The following APBB2 variants were observed in gnomAD, a reference collection of about 807,000 sequenced individuals.
APBB2 encodes the protein Fe65-like 1.
A neutral mutation model predicts 82.5 loss-of-function variants in APBB2; 38 were observed. The ratio of observed to expected loss-of-function variants is 0.46; its 90% confidence interval spans 0.36 to 0.60. APBB2 has a LOEUF of 0.60. Ranked by LOEUF, APBB2 falls within the 20% of genes least tolerant of loss-of-function variation. APBB2 has a pLI of 0.00. For missense variants in APBB2, 772 were observed against 972.3 expected, an observed-to-expected ratio of 0.79 and a Z score of 2.74; for synonymous variants, 341 against 368.2, an observed-to-expected ratio of 0.93 and a Z score of 0.85.
At chr4:41,041,093 G>A (rs939467650) in intron 4 of APBB2, among the ~76,000 whole-genome samples, 1 of 152,096 alleles carries the variant, frequency 6.6e-6, no homozygotes, top group African/African-American at 2.4e-5. Flanking sequence ...TGTTAGCCAG[G>A]ATGGTCTCGA....
At chr4:41,175,553 C>T (rs1371740175) in intron 1 of APBB2, among the ~76,000 whole-genome samples, 2 of 152,110 alleles carry the variant, frequency 1.3e-5, no homozygotes, top group Non-Finnish European at 2.9e-5. Context: ...TCCCACCAAT[C>T]AAGCTGTATC....
intron 2 of APBB2, among the ~76,000 whole-genome samples, chr4:41,136,646 T>A (rs1350358482): frequency 6.6e-6 from 1 of 152,190 alleles, no homozygotes; most frequent in Non-Finnish European, 1.5e-5. Flanking sequence ...CCAGGACGCA[T>A]GGCTTGACCT....
At chr4:41,006,371 T>G (rs1475616108) in intron 6 of APBB2, among the ~76,000 whole-genome samples, 1 of 152,230 alleles carries the variant, frequency 6.6e-6, no homozygotes, top group Non-Finnish European at 1.5e-5. Context: ...ACAGGAAGGC[T>G]AGTGAGTCAC....
intron 1 of APBB2, among the ~76,000 whole-genome samples, chr4:41,165,960 G>A (rs1442457179): frequency 4.2e-5 from 6 of 142,408 alleles, no homozygotes; most frequent in East Asian, 2.1e-4. Context: ...TGCAAGCTCC[G>A]CCTCCCGGGT....
Position 41,014,120 on chromosome 4 carries a change from C to G in APBB2, c.298G>C (p.Val100Leu), listed in dbSNP as rs1290909352. The G allele has an allele frequency of 6.2e-7, 1 of 1,614,104 alleles. No individual in the cohort carries two copies. Among genetic ancestry groups the G allele is most frequent in the Non-Finnish European group, 8.5e-7 (1 of 1,180,056 alleles). ...LGNGSANIKLVKNGENQLRKA... is the reference protein window; with the variant it reads ...LGNGSANIKLLKNGENQLRKA... Reference sequence around the variant, plus strand: ...CGGAGCTGGTTCTCCCCATTTTTCACCAGCTTGATGTTGGCAGAGCCATTT... The same window carrying G: ...CGGAGCTGGTTCTCCCCATTTTTCAGCAGCTTGATGTTGGCAGAGCCATTT... The change falls in exon 6 of 18, where the codon GTG (valine) becomes CTG (leucine). Residue 100 changes from valine (V) to leucine (L), a missense_variant. Transcript: ENST00000508593.
At chr4:40,919,044 T>G (rs1300882585) in intron 10 of APBB2, among the ~76,000 whole-genome samples, 1 of 152,198 alleles carries the variant, frequency 6.6e-6, no homozygotes, top group Non-Finnish European at 1.5e-5. Flanking sequence ...GAGAACAGAC[T>G]GGGCTTTCAC....
chr4:40,965,565 T>A (rs1369859525), intron 6 of APBB2, among the ~76,000 whole-genome samples: 1 of 152,150 alleles, frequency 6.6e-6, no homozygotes, highest in Non-Finnish European at 1.5e-5. Flanking sequence ...AAAAAGGATA[T>A]AAAATAATAA....
intron 7 of APBB2, among the ~76,000 whole-genome samples, chr4:40,941,917 G>A (rs1450760633): frequency 2.6e-5 from 4 of 152,070 alleles, no homozygotes; most frequent in East Asian, 3.9e-4. Flanking sequence ...GATTACAGGC[G>A]TGAGCTGCAG....
At chr4:41,085,285 TG>T (rs528877568) in intron 3 of APBB2, among the ~76,000 whole-genome samples, 65 of 150,314 alleles carry the variant, frequency 4.3e-4, no homozygotes, top group African/African-American at 1.5e-3. Context: ...AAACTGCCTA[TG>T]GCACATAATC....
chr4:40,982,160 G>A (rs1457462878), intron 6 of APBB2, among the ~76,000 whole-genome samples: 4 of 143,646 alleles, frequency 2.8e-5, no homozygotes, highest in Non-Finnish European at 6.0e-5. Context: ...ACTCCAGCCT[G>A]GGCAACAAGA....
chr4:40,825,931 A>G lies in APBB2; in HGVS notation c.1772T>C (p.Phe591Ser), dbSNP rs1246546782. Reference protein sequence around the residue: ...PTPKTELVQKFHVQYLGMLPV... With the variant: ...PTPKTELVQKSHVQYLGMLPV... ...TAACATGCCCAAGTACTGCACGTGG[A>G]ACTTCTGGACCAGCTCAGTCTTTGG... is the stretch of plus-strand genomic sequence containing the variant. Residue 591 changes from phenylalanine to serine, a missense_variant, in exon 15 of 18, where the codon TTC becomes TCC. Phe to Ser is a radical substitution (Grantham distance 155, BLOSUM62 -2). Transcript: ENST00000508593. The G allele has an allele frequency of 1.2e-6, 2 of 1,614,174 alleles. No homozygotes were observed. Among genetic ancestry groups the G allele is most frequent in the South Asian group, 1.1e-5 (1 of 91,066 alleles).
chr4:41,143,817 C>T (rs1466624293), intron 1 of APBB2, among the ~76,000 whole-genome samples: 3 of 152,190 alleles, frequency 2.0e-5, no homozygotes, highest in South Asian at 4.1e-4. Flanking sequence ...ATGAAACCAA[C>T]ATTCAACAAG....
intron 4 of APBB2, among the ~76,000 whole-genome samples, chr4:41,039,530 T>C (rs968989059): frequency 2.0e-5 from 3 of 152,232 alleles, no homozygotes; most frequent in Non-Finnish European, 4.4e-5. Flanking sequence ...CTGCTTGTTT[T>C]GCTTAGTGTC....
intron 2 of APBB2, among the ~76,000 whole-genome samples, chr4:41,130,253 T>C (rs538939385): frequency 1.2e-4 from 18 of 152,258 alleles, no homozygotes; most frequent in African/African-American, 4.1e-4. Context: ...TATCTAGGAA[T>C]GAGGAGAAGG....
intron 2 of APBB2, among the ~76,000 whole-genome samples, chr4:41,115,228 T>C (rs77929433): frequency 0.06 from 9,180 of 152,220 alleles, 331 homozygotes; most frequent in Middle Eastern, 0.13. Context: ...GGGGAAAGGA[T>C]TCCCTATTTA....
intron 5 of APBB2, among the ~76,000 whole-genome samples, chr4:41,015,666 G>T (rs1293558757): frequency 6.6e-6 from 1 of 152,082 alleles, no homozygotes; most frequent in Non-Finnish European, 1.5e-5. Flanking sequence ...CTAGGCCATG[G>T]CCATTTTTAT....
chr4:40,846,013 GGGGTGTGTGTGT>G (rs1757484878), intron 12 of APBB2, among the ~76,000 whole-genome samples: 1 of 70,100 alleles, frequency 1.4e-5, no homozygotes, highest in South Asian at 5.9e-4. Context: ...GGGTGTGAGT[GGGGTGTGTGTGT>G]GTGTGTGTGT....
chr4:41,005,247 C>T (rs895068254), intron 6 of APBB2, among the ~76,000 whole-genome samples: 73 of 152,218 alleles, frequency 4.8e-4, no homozygotes, highest in African/African-American at 1.6e-3. Flanking sequence ...CGTGCCACCA[C>T]GCCCAACTAA....
At chr4:41,004,011 C>G (rs1014945164) in intron 6 of APBB2, among the ~76,000 whole-genome samples, 1 of 152,228 alleles carries the variant, frequency 6.6e-6, no homozygotes, top group Admixed American at 6.5e-5. Flanking sequence ...CCACGCCCAG[C>G]CTGATTTTGG....
Sources: allele counts gnomAD v4.1 joint callset (sites outside exome capture counted in the v4.1 genomes callset), GRCh38; gene constraint gnomAD v4.1.1; transcripts MANE v1.5; gene names NCBI Gene and HGNC (gene_info 2026-07-23, HGNC 2026-07-21).